Variants in LRP1B observed in about 807,000 individuals in gnomAD.
LRP1B encodes low-density lipoprotein receptor-related protein 1B.
A neutral mutation model predicts 556.6 loss-of-function variants in LRP1B; 217 were observed. The observed-to-expected ratio is 0.39, with a 90% CI of 0.35 to 0.44. LRP1B has a LOEUF of 0.44. Among genes scored for constraint, LRP1B ranks in the 20% least tolerant of loss-of-function variants. The pLI is 1.00. For synonymous variants in LRP1B, 2,047 were observed against 1,865.8 expected, an observed-to-expected ratio of 1.10 and a Z score of -2.50; for missense variants, 5,053 against 5,620.8, an observed-to-expected ratio of 0.90 and a Z score of 3.23.
chr2:142,093,107 C>T (rs1170876748), intron 1 of LRP1B, among the ~76,000 whole-genome samples: 1 of 152,072 alleles, frequency 6.6e-6, no homozygotes, highest in Non-Finnish European at 1.5e-5. Flanking sequence ...TTTTTTTCAT[C>T]ACCCAAAGTG....
intron 87 of LRP1B, among the ~76,000 whole-genome samples, chr2:140,241,513 T>C (rs1343141322): frequency 1.3e-5 from 2 of 150,822 alleles, no homozygotes; most frequent in African/African-American, 4.8e-5. Flanking sequence ...TCCTATGAGG[T>C]AGGAAGCTGT....
intron 11 of LRP1B, among the ~76,000 whole-genome samples, chr2:141,039,625 G>C (rs1212095841): frequency 6.6e-6 from 1 of 151,902 alleles, no homozygotes; most frequent in East Asian, 1.9e-4. Flanking sequence ...GAGCTCACAT[G>C]TGTATATACA....
At chr2:140,538,631 A>C (rs1177750391) in intron 45 of LRP1B, among the ~76,000 whole-genome samples, 2 of 152,142 alleles carry the variant, frequency 1.3e-5, no homozygotes, top group African/African-American at 2.4e-5. Context: ...AATGTCATTT[A>C]AGACAAGGTA....
intron 2 of LRP1B, among the ~76,000 whole-genome samples, chr2:141,593,019 T>A (rs997757590): frequency 2.6e-5 from 4 of 152,084 alleles, no homozygotes; most frequent in Non-Finnish European, 4.4e-5. Context: ...TCAGGACAAG[T>A]TTTCTGAAGT....
chr2:141,344,566 C>G (rs3107480), intron 3 of LRP1B, among the ~76,000 whole-genome samples: 87,185 of 151,944 alleles, frequency 0.57, 25,677 homozygotes, highest in Non-Finnish European at 0.62. Flanking sequence ...CCAAATCTGA[C>G]ATTCTTTATT....
At chr2:140,548,078 G>T (rs1010204512) in intron 43 of LRP1B, among the ~76,000 whole-genome samples, 19 of 151,934 alleles carry the variant, frequency 1.3e-4, no homozygotes, top group African/African-American at 4.1e-4. Flanking sequence ...GCCAATAAGA[G>T]AATTATACAA....
At chr2:140,939,637 G>T (rs1415356743) in intron 20 of LRP1B, among the ~76,000 whole-genome samples, 2 of 150,970 alleles carry the variant, frequency 1.3e-5, no homozygotes, top group East Asian at 3.9e-4. Flanking sequence ...TACTCTGAGT[G>T]TTCACTTAAT....
At chr2:140,292,881 G>C (rs954374714) in intron 84 of LRP1B, among the ~76,000 whole-genome samples, 7 of 152,050 alleles carry the variant, frequency 4.6e-5, no homozygotes, top group African/African-American at 1.7e-4. Flanking sequence ...AATACGATAG[G>C]CTTATATCTA....
chr2:141,708,598 T>C (rs1692237801), intron 2 of LRP1B, among the ~76,000 whole-genome samples: 1 of 152,160 alleles, frequency 6.6e-6, no homozygotes, highest in South Asian at 2.1e-4. Context: ...AAATATTCTA[T>C]ACTGCTTTTT....
intron 2 of LRP1B, among the ~76,000 whole-genome samples, chr2:141,604,835 C>T (rs1687857605): frequency 6.6e-6 from 1 of 152,068 alleles, no homozygotes; most frequent in Non-Finnish European, 1.5e-5. Flanking sequence ...AATTCTTCCC[C>T]ATCCTCCTCA....
At chr2:140,965,804 G>GT (rs56096461) in intron 18 of LRP1B, among the ~76,000 whole-genome samples, 17,229 of 144,864 alleles carry the variant, frequency 0.12, 1,262 homozygotes, top group South Asian at 0.18. Flanking sequence ...AACATGCAGT[G>GT]TTTTTTTTTT....
At position 141,883,444 on chromosome 2, in the gene LRP1B, C is replaced by T. The variant is rs563839027; in HGVS notation, c.83-73043G>A. ...ACTATTAGGCAATGATTCAAAATTACCTTTTAAAAAGGAAATATTCAATTT... is the reference window on the plus strand; with the variant it reads ...ACTATTAGGCAATGATTCAAAATTATCTTTTAAAAAGGAAATATTCAATTT... On this transcript the variant is annotated intron_variant, in intron 1 of 90. Transcript: ENST00000389484. Among the ~76,000 whole-genome samples the T allele has an allele frequency of 7.2e-5, 11 of 152,188 alleles. No individual in the cohort carries two copies. The South Asian group carries it at 1.9e-3, about 26-fold the overall frequency.
intron 1 of LRP1B, among the ~76,000 whole-genome samples, chr2:141,960,813 T>C (rs986594558): frequency 6.6e-6 from 1 of 151,476 alleles, no homozygotes. Flanking sequence ...ATCTAAAGAT[T>C]ATATACAGAT....
At chr2:141,763,952 A>C (rs1229387575) in intron 2 of LRP1B, among the ~76,000 whole-genome samples, 1 of 152,138 alleles carries the variant, frequency 6.6e-6, no homozygotes, top group Non-Finnish European at 1.5e-5. Context: ...AGATTATTGC[A>C]ATTTGCTAAT....
At chr2:141,696,222 G>A (rs1042468669) in intron 2 of LRP1B, among the ~76,000 whole-genome samples, 2 of 151,878 alleles carry the variant, frequency 1.3e-5, no homozygotes, top group Non-Finnish European at 2.9e-5. Flanking sequence ...CTTAGAGTAG[G>A]AAGTACTACA....
At chr2:140,526,761 G>T (rs992334915) in intron 47 of LRP1B, among the ~76,000 whole-genome samples, 2 of 150,674 alleles carry the variant, frequency 1.3e-5, no homozygotes, top group Non-Finnish European at 3.0e-5. Flanking sequence ...ACATTCCAAG[G>T]TTATGACAGT....
intron 1 of LRP1B, among the ~76,000 whole-genome samples, chr2:142,055,663 C>A (rs866189648): frequency 6.6e-6 from 1 of 152,128 alleles, no homozygotes; most frequent in Admixed American, 6.5e-5. Flanking sequence ...TGTTACCATT[C>A]TCCAACTGTT....
chr2:141,847,905 CAA>C (rs1240273380), intron 1 of LRP1B, among the ~76,000 whole-genome samples: 1 of 151,214 alleles, frequency 6.6e-6, no homozygotes, highest in Non-Finnish European at 1.5e-5. Flanking sequence ...ACATCAATGA[CAA>C]ATTGGGAAAG....
At position 140,450,641 on chromosome 2, in the gene LRP1B, T is replaced by C. The variant is rs1395953728; in HGVS notation, c.9984A>G (p.Lys3328=). ...TASQFRCKTD[K]CIPFWWKCDT... ...CACATTTCCACCAGAATGGAATACATTTGTCAGTTTTGCAACGAAACTTAA... is the reference window on the plus strand; with the variant it reads ...CACATTTCCACCAGAATGGAATACACTTGTCAGTTTTGCAACGAAACTTAA... Residue 3328 remains lysine, a synonymous_variant, in exon 63 of 91, where the codon AAA becomes AAG. Coordinates refer to ENST00000389484, the MANE Select transcript of LRP1B (RefSeq NM_018557.3). 2.5e-6 allele frequency: 4 copies of C among 1,611,224 alleles called. No homozygotes were observed. The highest frequency in any genetic ancestry group is 3.4e-6 in the Non-Finnish European group (4 of 1,178,864).
Sources: gnomAD v4.1 joint callset for allele counts (sites outside exome capture counted in the v4.1 genomes callset) on GRCh38, gnomAD v4.1.1 for gene constraint, MANE v1.5 for transcripts, NCBI Gene and HGNC (gene_info 2026-07-23, HGNC 2026-07-21) for gene names.